Variants in PEPD observed in about 807,000 individuals in gnomAD.
PEPD encodes the protein xaa-Pro dipeptidase.
Under a neutral mutation model 60.7 loss-of-function variants are expected in PEPD, and 53 were observed. That is an observed-to-expected ratio of 0.87 (90% CI 0.70 to 1.10). The LOEUF is 1.10. Among genes scored for constraint, PEPD ranks in the 50% least tolerant of loss-of-function variants. PEPD has a pLI of 0.00. For synonymous variants in PEPD, 267 were observed against 284.1 expected, an observed-to-expected ratio of 0.94 and a Z score of 0.60; for missense variants, 711 against 711.9, an observed-to-expected ratio of 1.00 and a Z score of 0.01.
intron 12 of PEPD, among the ~76,000 whole-genome samples, chr19:33,391,965 G>A (rs1220361824): frequency 6.6e-6 from 1 of 152,216 alleles, no homozygotes; most frequent in African/African-American, 2.4e-5. Context: ...CTGCTGTGGT[G>A]CAGTGGGGAA....
At chr19:33,477,100 C>CA (rs1436987399) in intron 7 of PEPD, 1 of 152,432 alleles carries the variant, frequency 6.6e-6, no homozygotes, top group East Asian at 1.9e-4. Context: ...CCTGTCTCTC[C>CA]AACTGTTCTC....
intron 2 of PEPD, chr19:33,511,547 G>T (rs1192887395): frequency 3.0e-6 from 1 of 333,050 alleles, no homozygotes; most frequent in Non-Finnish European, 5.9e-6. Flanking sequence ...TATCTGCACA[G>T]AAATGGATTC....
At chr19:33,458,050 T>C (rs1488605378) in intron 9 of PEPD, among the ~76,000 whole-genome samples, 1 of 152,000 alleles carries the variant, frequency 6.6e-6, no homozygotes, top group Non-Finnish European at 1.5e-5. Context: ...ATGTGAGGCA[T>C]GTGGTGGGTG....
At chr19:33,420,098 C>A (rs1041500671) in intron 9 of PEPD, among the ~76,000 whole-genome samples, 2 of 152,240 alleles carry the variant, frequency 1.3e-5, no homozygotes, top group East Asian at 3.8e-4. Flanking sequence ...CATAACATGA[C>A]ATTCAATTAA....
At chr19:33,516,252 C>T (rs911910007) in intron 1 of PEPD, among the ~76,000 whole-genome samples, 6 of 152,178 alleles carry the variant, frequency 3.9e-5, no homozygotes, top group Non-Finnish European at 7.4e-5. Context: ...CCTGCAAATT[C>T]GGCAAATGTA....
In PEPD at chr19:33,429,327, G is replaced by A. The variant is rs1600107987; in HGVS notation, c.672-15684C>T. The stretch of plus-strand genomic sequence containing the variant: ...ACCCTATACTGACTAATACACCTGG[G>A]AATTTAGAATACAGCAAAAATGGAA... On this transcript the variant is annotated intron_variant, in intron 9 of 14. Coordinates refer to ENST00000244137, the MANE Select transcript of PEPD (RefSeq NM_000285.4). Among the ~76,000 whole-genome samples, 3 of 152,168 alleles carry A rather than the reference G, an allele frequency of 2.0e-5. No homozygotes were observed. In the Middle Eastern group the frequency reaches 0.01, roughly 518 times the overall value.
Position 33,401,854 on chromosome 19 carries a change from G to A in PEPD, c.834C>T (p.Gly278=), listed in dbSNP as rs371699300. The part of the protein sequence containing the change: ...QNGDMCLFDM[G]GEYYCFASDI... ...CGGAAGCGAAGCAGTAATACTCACC[G>A]CCCATGTCGAACAGGCTGCGGAGAG... The change falls in exon 12 of 15, where the codon GGC becomes GGT. Residue 278 remains glycine (G), a synonymous_variant. Coordinates refer to ENST00000244137, the MANE Select transcript of PEPD (RefSeq NM_000285.4). 5.1e-4 allele frequency: 826 copies of A among 1,613,078 alleles called. No homozygotes were observed. The highest frequency in any genetic ancestry group is 1.4e-3 in the Admixed American group (87 of 60,020).
At chr19:33,490,563 A>C (rs563231811) in intron 5 of PEPD, among the ~76,000 whole-genome samples, 91 of 152,360 alleles carry the variant, frequency 6.0e-4, no homozygotes, top group South Asian at 1.0e-3. Flanking sequence ...TCTTAACTCC[A>C]AGGAGACTCC....
At chr19:33,488,950 G>A (rs747780558) in intron 6 of PEPD, among the ~76,000 whole-genome samples, 14 of 152,258 alleles carry the variant, frequency 9.2e-5, no homozygotes, top group Admixed American at 3.9e-4. Context: ...CACTGTCCAC[G>A]TGCAGCAGCC....
At chr19:33,395,985 G>A (rs889418449) in intron 12 of PEPD, 5 of 152,558 alleles carry the variant, frequency 3.3e-5, no homozygotes, top group East Asian at 1.9e-4. Flanking sequence ...CTCACCCTGC[G>A]TGAGAGCAGG....
intron 5 of PEPD, among the ~76,000 whole-genome samples, chr19:33,492,623 G>T (rs1168460833): frequency 6.6e-6 from 1 of 152,170 alleles, no homozygotes; most frequent in Non-Finnish European, 1.5e-5. Flanking sequence ...TCAAATACCA[G>T]ATCTGATTTG....
intron 6 of PEPD, among the ~76,000 whole-genome samples, chr19:33,480,840 G>GTATATATA (rs60635743): frequency 6.6e-6 from 1 of 150,856 alleles, no homozygotes; most frequent in African/African-American, 2.4e-5. Context: ...GTGTGTGTGT[G>GTATATATA]TATATCAAAA....
Position 33,488,178 on chromosome 19 carries a change from G to C in PEPD, c.503+1818C>G, listed in dbSNP as rs560855267. Among the ~76,000 whole-genome samples, 6 of 152,216 alleles carry C rather than the reference G, an allele frequency of 3.9e-5. No homozygotes were observed. The South Asian group carries it at 1.2e-3, about 32-fold the overall frequency. Reference sequence around the variant, plus strand: ...GGGAAACTGGGAATTGGTGATCCTGGAGCCCACCTGGCCCACCACGCAGAT... The same window carrying C: ...GGGAAACTGGGAATTGGTGATCCTGCAGCCCACCTGGCCCACCACGCAGAT... On this transcript the variant is annotated intron_variant, in intron 6 of 14. Coordinates refer to ENST00000244137, the MANE Select transcript of PEPD (RefSeq NM_000285.4).
rs113801348 is a variant in PEPD at position 33,499,945 on chromosome 19, C to T, written c.393+993G>A. ...TGGGAACCTGCTTCTCACCCAGTGC[C>T]GTCATCTTCAACCAGGCTGTGTCCT... On this transcript the variant is annotated intron_variant, in intron 4 of 14. Coordinates refer to ENST00000244137, the MANE Select transcript of PEPD (RefSeq NM_000285.4). Among the ~76,000 whole-genome samples, 224 of 152,346 alleles carry T rather than the reference C, an allele frequency of 1.5e-3. 2 individuals are homozygous for T. The highest frequency in any genetic ancestry group is 6.8e-3 in the Middle Eastern group (2 of 294).
At chr19:33,403,411 C>T (rs1280137733) in intron 11 of PEPD, among the ~76,000 whole-genome samples, 5 of 152,206 alleles carry the variant, frequency 3.3e-5, no homozygotes, top group African/African-American at 1.2e-4. Context: ...CCATGGGGTC[C>T]ATCTGTAGCT....
intron 6 of PEPD, among the ~76,000 whole-genome samples, chr19:33,480,688 A>C (rs1970297809): frequency 6.6e-6 from 1 of 152,146 alleles, no homozygotes; most frequent in African/African-American, 2.4e-5. Context: ...CCAGCTACTC[A>C]GGAGGCTGAG....
Position 33,521,740 on chromosome 19 carries a change from T to G in PEPD, c.17+4A>C. ...GGAAAGAGCGAGGGAGGCGCAGCAC[T>G]CACCCGGTGGCCGCCGCCATGTTCG... On this transcript the variant is annotated splice_donor_region_variant and intron_variant, in intron 1 of 14. Transcript: ENST00000244137. 1 of 1,579,008 alleles carries G rather than the reference T, an allele frequency of 6.3e-7. No homozygotes were observed.
At chr19:33,455,571 T>C (rs1226729881) in intron 9 of PEPD, among the ~76,000 whole-genome samples, 3 of 151,898 alleles carry the variant, frequency 2.0e-5, no homozygotes, top group Non-Finnish European at 2.9e-5. Context: ...GGTGTGATCA[T>C]AGCTAACTGC....
chr19:33,419,513 C>T (rs1019251790), intron 9 of PEPD, among the ~76,000 whole-genome samples: 1 of 152,204 alleles, frequency 6.6e-6, no homozygotes, highest in African/African-American at 2.4e-5. Context: ...GTCAGGAAAC[C>T]CACTGAATCC....
Sources: gnomAD v4.1 joint callset for allele counts (sites outside exome capture counted in the v4.1 genomes callset) on GRCh38, gnomAD v4.1.1 for gene constraint, MANE v1.5 for transcripts, NCBI Gene and HGNC (gene_info 2026-07-23, HGNC 2026-07-21) for gene names.